PADI3: variants seen among roughly 807,000 people sequenced by gnomAD.
PADI3 encodes protein-arginine deiminase type-3.
In PADI3, 53 loss-of-function variants were observed where a neutral mutation model predicts 71.5. The observed-to-expected ratio is 0.74, with a 90% CI of 0.59 to 0.93. The LOEUF (loss-of-function observed/expected upper bound fraction) is 0.93, where lower values mean the gene tolerates loss of function less well. Among genes scored for constraint, PADI3 ranks in the 40% least tolerant of loss-of-function variants. The pLI, the probability that PADI3 is intolerant of heterozygous loss-of-function variation, is 0.00. For synonymous variants in PADI3, 361 were observed against 347.5 expected (o/e 1.04, Z -0.43); for missense variants, 821 against 868.0 (o/e 0.95, Z 0.68).
chr1:17,270,714 C>T (rs2073235679), intron 7 of PADI3, among the ~76,000 whole-genome samples, 165 bp from the exon 8 acceptor site: 1 of 152,040 alleles, frequency 6.6e-6, no homozygotes, highest in Non-Finnish European at 1.5e-5. Context: ...CTACCAGGCA[C>T]CACTGGTGTG....
chr1:17,258,613 T>C (rs1443287302), intron 1 of PADI3, among the ~76,000 whole-genome samples: 1 of 152,276 alleles, frequency 6.6e-6, no homozygotes, highest in Admixed American at 6.5e-5. Context: ...CTGTTGCACA[T>C]CTGGCTCTGC....
chr1:17,266,784 T>G lies in PADI3; in HGVS notation c.474T>G (p.Asp158Glu), dbSNP rs2073174570. Residue 158 changes from aspartate (D) to glutamate (E), a missense_variant, in exon 5 of 16, where the codon GAT becomes GAG. Asp to Glu is a conservative substitution (Grantham distance 45, BLOSUM62 2). Transcript: ENST00000375460. ...TGCTGGTGAACTGTGACCGTGATGA[T>G]CCGAGCTGTGATGTCCAGGACAATT... ...GILLVNCDRD[D>E]PSCDVQDNCD... The G allele has an allele frequency of 6.2e-7, 1 of 1,613,992 alleles. No individual in the cohort carries two copies. The highest frequency in any genetic ancestry group is 8.5e-7 in the Non-Finnish European group (1 of 1,180,014).
At position 17,262,157 on chromosome 1, in the gene PADI3, C is replaced by A; in HGVS notation, c.298C>A (p.His100Asn). 1.2e-6 allele frequency: 2 copies of A among 1,613,700 alleles called. No individual in the cohort carries two copies. The highest frequency in any genetic ancestry group is 1.7e-6 in the Non-Finnish European group (2 of 1,179,918). Residue 100 changes from histidine to asparagine, a missense_variant, in exon 3 of 16, where the codon CAT becomes AAT. By Grantham distance (68) the His-to-Asn change is moderately conservative. Transcript: ENST00000375460. ...SHVQISYHSS[H>N]EPLPLAYAVL... is the part of the protein sequence containing the mutation. ...GGTTCAGATTTCCTACCACTCCAGC[C>A]ATGAGCCTCTGCCCCTGGCCTATGC...
intron 15 of PADI3, among the ~76,000 whole-genome samples, chr1:17,281,193 G>C (rs980194000): frequency 2.6e-5 from 4 of 152,254 alleles, no homozygotes; most frequent in Non-Finnish European, 4.4e-5. Context: ...CAGATGCAGA[G>C]ATGATTAAGA....
intron 11 of PADI3, among the ~76,000 whole-genome samples, chr1:17,275,385 TGAG>T (rs2073314646): frequency 7.7e-6 from 1 of 130,270 alleles, no homozygotes; most frequent in East Asian, 2.2e-4. Context: ...TGCAGTGAGC[TGAG>T]ATCATGCCAC....
At chr1:17,275,852 T>C (rs181344279) in intron 11 of PADI3, among the ~76,000 whole-genome samples, 1 of 152,212 alleles carries the variant, frequency 6.6e-6, no homozygotes, top group Admixed American at 6.5e-5. Context: ...AGCTGGACCA[T>C]GCCCTTAGAT....
Position 17,283,067 on chromosome 1 carries a change from C to T in PADI3, c.1983C>T (p.Asn661=), listed in dbSNP as rs1163111436. ...CRKPFSFKWW[N]MVP ...AGCCCTTCTCTTTCAAGTGGTGGAACATGGTGCCCTGAGACAGCTCCCACC... is the reference window on the plus strand; with the variant it reads ...AGCCCTTCTCTTTCAAGTGGTGGAATATGGTGCCCTGAGACAGCTCCCACC... The change falls in exon 16 of 16, where the codon AAC becomes AAT. Residue 661 remains asparagine, a synonymous_variant. Transcript: ENST00000375460. The T allele has an allele frequency of 1.5e-5, 25 of 1,613,644 alleles. No individual in the cohort carries two copies. The highest frequency in any genetic ancestry group is 1.9e-5 in the Non-Finnish European group (23 of 1,179,674).
intron 1 of PADI3, among the ~76,000 whole-genome samples, chr1:17,254,693 G>A (rs964558337): frequency 1.6e-4 from 25 of 151,836 alleles, no homozygotes; most frequent in Non-Finnish European, 3.4e-4. Flanking sequence ...AACTCTACAC[G>A]GGCTGGAGGG....
At chr1:17,262,500 C>A (rs1465996036) in intron 3 of PADI3, among the ~76,000 whole-genome samples, 5 of 152,204 alleles carry the variant, frequency 3.3e-5, no homozygotes, top group African/African-American at 9.7e-5. Flanking sequence ...TACATAAACT[C>A]CGTGCAAGAT....
chr1:17,264,326 A>G (rs1236651174), intron 3 of PADI3, among the ~76,000 whole-genome samples: 3 of 129,304 alleles, frequency 2.3e-5, no homozygotes, highest in Non-Finnish European at 3.3e-5. Flanking sequence ...TGCATAAAGC[A>G]TATGTACACA....
In PADI3 at chr1:17,283,065, A is replaced by C. The variant is rs61731901; in HGVS notation, c.1981A>C (p.Asn661His). 1.0e-3 allele frequency: 1,692 copies of C among 1,613,926 alleles called. 3 individuals carry two copies. The highest frequency in any genetic ancestry group is 1.2e-3 in the Non-Finnish European group (1,412 of 1,179,812). ...AAAGCCCTTCTCTTTCAAGTGGTGG[A>C]ACATGGTGCCCTGAGACAGCTCCCA... The part of the protein sequence containing the change: ...CRKPFSFKWW[N>H]MVP Residue 661 changes from asparagine (N) to histidine (H), a missense_variant, in exon 16 of 16, where the codon AAC (asparagine) becomes CAC (histidine). Asn to His is a moderately conservative substitution (Grantham distance 68). Transcript: ENST00000375460.
At chr1:17,262,343 T>C in intron 3 of PADI3, 138 bp downstream of exon 3, 1 of 619,708 alleles carries the variant, frequency 1.6e-6, no homozygotes, top group South Asian at 2.2e-5. Context: ...AGCATTTTTC[T>C]AGAGATACGC....
At chr1:17,267,111 A>G (rs1413997747) in intron 5 of PADI3, among the ~76,000 whole-genome samples, 1 of 152,160 alleles carries the variant, frequency 6.6e-6, no homozygotes, top group Non-Finnish European at 1.5e-5. Context: ...GGATGCTAGC[A>G]TTATTTGAGC....
At chr1:17,265,066 C>T (rs1052242295) in intron 3 of PADI3, among the ~76,000 whole-genome samples, 2 of 151,924 alleles carry the variant, frequency 1.3e-5, no homozygotes, top group African/African-American at 2.4e-5. Context: ...CCCTGCCCCT[C>T]ACTGCTTCTT....
intron 1 of PADI3, among the ~76,000 whole-genome samples, chr1:17,252,397 C>CTTTTT (rs1448917763): frequency 3.2e-5 from 2 of 62,250 alleles, no homozygotes; most frequent in African/African-American, 7.8e-5. Flanking sequence ...TTCTTTTCTT[C>CTTTTT]TTCTTTTTTT....
Position 17,270,393 on chromosome 1 carries a change from G to C in PADI3, c.813G>C (p.Leu271=). The change falls in exon 7 of 16, where the codon CTG becomes CTC. Residue 271 remains leucine (L), a synonymous_variant. Transcript: ENST00000375460. ...GACTCATCTCCTTCCATGTCACTCT[G>C]CTGGACGACTCCAACGAGGTAGGGA... ...FTGLISFHVT[L]LDDSNEDFSA... is the part of the protein sequence containing the mutation. The C allele has an allele frequency of 6.2e-7, 1 of 1,613,362 alleles. No individual in the cohort carries two copies. The highest frequency in any genetic ancestry group is 8.5e-7 in the Non-Finnish European group (1 of 1,179,738).
At chr1:17,276,492 C>CT (rs768274040) in intron 11 of PADI3, 27 bp from the exon 12 acceptor site, 63 of 1,577,694 alleles carry the variant, frequency 4.0e-5, no homozygotes, top group Non-Finnish European at 3.6e-5. Flanking sequence ...AGTTAAGCAA[C>CT]TTTTTTTTTA....
chr1:17,278,208 C>T (rs1033162976), intron 13 of PADI3, among the ~76,000 whole-genome samples: 5 of 152,236 alleles, frequency 3.3e-5, no homozygotes, highest in African/African-American at 1.2e-4. Flanking sequence ...ACTCTTTTGT[C>T]TGCTCTTTAA....
chr1:17,249,181 C>A lies in PADI3; in HGVS notation c.44C>A (p.Thr15Asn). ...GTGCGTGTGTCCCTGGAGCATCCCA[C>A]CAGCGCGGTGTGTGTGGCTGGCGTG... is the stretch of plus-strand genomic sequence containing the variant. ...RIVRVSLEHP[T>N]SAVCVAGVET... is the part of the protein sequence containing the mutation. Residue 15 changes from threonine to asparagine, a missense_variant, in exon 1 of 16, where the codon ACC becomes AAC. By Grantham distance (65) the Thr-to-Asn change is moderately conservative. Coordinates refer to ENST00000375460, the MANE Select transcript of PADI3 (RefSeq NM_016233.2). 6.2e-7 allele frequency: 1 copy of A among 1,614,178 alleles called. No individual in the cohort carries two copies. The highest frequency in any genetic ancestry group is 1.7e-5 in the Admixed American group (1 of 60,020).
Sources: gnomAD v4.1 joint callset for allele counts (sites outside exome capture counted in the v4.1 genomes callset) on GRCh38, gnomAD v4.1.1 for gene constraint, MANE v1.5 for transcripts, NCBI Gene and HGNC (gene_info 2026-07-23, HGNC 2026-07-21) for gene names.